Variants in SUPT7L observed in about 807,000 individuals in gnomAD.
The protein encoded by SUPT7L is STAGA complex 65 subunit gamma.
SUPT7L carries 15 observed loss-of-function variants against 35.7 expected under a neutral mutation model. The ratio of observed to expected loss-of-function variants is 0.42; its 90% CI spans 0.28 to 0.65. The LOEUF (loss-of-function observed/expected upper bound fraction) is 0.65. Among genes scored for constraint, SUPT7L ranks in the 30% least tolerant of loss-of-function variants. SUPT7L has a pLI of 0.23. For missense variants in SUPT7L, 434 were observed against 522.2 expected (o/e 0.83, Z 1.65); for synonymous variants, 168 against 186.2 (o/e 0.90, Z 0.79).
At chr2:27,642,958 T>TACACACACACACACAC in the SUPT7L span, among the ~76,000 whole-genome samples, 35 of 122,654 alleles carry the variant, frequency 2.9e-4, no homozygotes, top group East Asian at 2.5e-3. Flanking sequence ...TATATATATA[T>TACACACACACACACAC]ACACACACAC....
downstream of SUPT7L, among the ~76,000 whole-genome samples, chr2:27,646,661 A>T (rs1487129921): frequency 6.6e-6 from 1 of 152,082 alleles, no homozygotes; most frequent in Non-Finnish European, 1.5e-5. Flanking sequence ...AATTGACTGT[A>T]CTTAAAAGAA....
At chr2:27,642,954 T>TACACACACACAC in the SUPT7L span, among the ~76,000 whole-genome samples, 469 of 46,776 alleles carry the variant, frequency 0.01, 9 homozygotes, top group East Asian at 0.05. Flanking sequence ...TATATATATA[T>TACACACACACAC]ATATACACAC....
downstream of SUPT7L, among the ~76,000 whole-genome samples, chr2:27,646,242 A>G (rs879480088): frequency 2.7e-5 from 4 of 149,836 alleles, no homozygotes; most frequent in East Asian, 2.0e-4. Flanking sequence ...GGGTTTTGCC[A>G]TGTTGGCCAG....
chr2:27,660,430 G>A (rs1255793592), intron 3 of SUPT7L, among the ~76,000 whole-genome samples: 2 of 151,990 alleles, frequency 1.3e-5, no homozygotes, highest in Non-Finnish European at 2.9e-5. Context: ...CGCCATGTTG[G>A]CCAGGTTGAT....
At chr2:27,646,505 T>G (rs1049220620), downstream of SUPT7L, among the ~76,000 whole-genome samples, 1 of 152,246 alleles carries the variant, frequency 6.6e-6, no homozygotes, top group Admixed American at 6.5e-5. Flanking sequence ...TTAAAAATTT[T>G]TTTTTAGTTT....
In SUPT7L at chr2:27,657,732, C is replaced by G. The variant is rs1022313927; in HGVS notation, c.420-63G>C. ...GCAAAGGGGTGACCCCTCCTGTCTTCCCCAGGAGTTTTACAATTCCAGTCA... is the reference window on the plus strand; with the variant it reads ...GCAAAGGGGTGACCCCTCCTGTCTTGCCCAGGAGTTTTACAATTCCAGTCA... On this transcript the variant is annotated intron_variant, in intron 3 of 5. Coordinates refer to ENST00000337768, the MANE Select transcript of SUPT7L (RefSeq NM_014860.3). The surrounding 1 kb of genome is among the most constrained non-coding windows in gnomAD (Gnocchi z 5.2). The G allele has an allele frequency of 3.0e-5, 43 of 1,456,270 alleles. No individual in the cohort carries two copies. Among genetic ancestry groups the G allele is most frequent in the Admixed American group, 4.5e-5 (2 of 44,072 alleles). 90.2% of individuals were successfully genotyped at this position (1,456,270 alleles called of 1,614,324 possible). A position where few individuals can be genotyped will look rare whatever the true frequency, so the allele number is the denominator to read the frequency against.
chr2:27,657,699 A>G lies in SUPT7L; in HGVS notation c.420-30T>C. 1 of 1,583,030 alleles carries G rather than the reference A, an allele frequency of 6.3e-7. No individual in the cohort carries two copies. Among genetic ancestry groups the G allele is most frequent in the Non-Finnish European group, 8.6e-7 (1 of 1,162,610 alleles). ...AAGTGGAGATACGGTGGTGTTATTA[A>G]TGTTCTTGCAAAGGGGTGACCCCTC... On this transcript the variant is annotated intron_variant, in intron 3 of 5. Transcript: ENST00000337768. The surrounding 1 kb of genome is among the most constrained non-coding windows in gnomAD (Gnocchi z 5.2).
chr2:27,651,287 AC>A lies in SUPT7L; in HGVS notation c.*2197del, dbSNP rs1161852888. On this transcript the variant is annotated 3_prime_UTR_variant, in exon 6 of 6. Transcript: ENST00000337768. Reference sequence around the variant, plus strand: ...GGAATTGTTCAACTTACCTCTTATAACCTATGAACTCAGAAACCCTGGGGGT... The same window carrying A: ...GGAATTGTTCAACTTACCTCTTATAACTATGAACTCAGAAACCCTGGGGGT... 6.6e-6 allele frequency: 1 copy of A among 152,202 alleles called. No homozygotes were observed. The highest frequency in any genetic ancestry group is 1.5e-5 in the Non-Finnish European group (1 of 68,048). 9.4% of individuals were successfully genotyped at this position (152,202 alleles called of 1,614,324 possible).
At chr2:27,645,946 T>C (rs767165908), downstream of SUPT7L, among the ~76,000 whole-genome samples, 4 of 152,094 alleles carry the variant, frequency 2.6e-5, no homozygotes, top group African/African-American at 4.8e-5. Flanking sequence ...CCCAGGCTGG[T>C]CTCGAACTCC....
In SUPT7L at chr2:27,661,084, C is replaced by T. The variant is rs751395014; in HGVS notation, c.319G>A (p.Gly107Arg). ...EESEPLPSCPGSPPLPDDLLP... is the reference protein window; with the variant it reads ...EESEPLPSCPRSPPLPDDLLP... ...AGGTCATCAGGGAGAGGAGGTGACC[C>T]AGGGCACGAGGGAAGAGGTTCACTC... The change falls in exon 3 of 6, where the codon GGG (glycine) becomes AGG (arginine). Residue 107 changes from glycine (G) to arginine (R), a missense_variant. By Grantham distance (125) the Gly-to-Arg change is moderately radical (BLOSUM62 -2). Transcript: ENST00000337768. The T allele has an allele frequency of 2.5e-6, 4 of 1,613,980 alleles. No homozygotes were observed. Among genetic ancestry groups the T allele is most frequent in the African/African-American group, 1.3e-5 (1 of 74,874 alleles).
At chr2:27,644,930 T>C in the SUPT7L span, among the ~76,000 whole-genome samples, 1 of 152,072 alleles carries the variant, frequency 6.6e-6, no homozygotes, top group African/African-American at 2.4e-5. Flanking sequence ...GTTCCATGCA[T>C]ACTTGAGTAT....
chr2:27,650,077 G>T, downstream of SUPT7L: 1 of 1,113,154 alleles, frequency 9.0e-7, no homozygotes, highest in South Asian at 1.2e-5. Context: ...TTTGTCTAAT[G>T]AAAGAGTTGA....
At chr2:27,650,392 T>A (rs982867467), downstream of SUPT7L, 5 of 424,726 alleles carry the variant, frequency 1.2e-5, no homozygotes, top group African/African-American at 1.0e-4. Flanking sequence ...ACCTGGCAGG[T>A]TAATGCTGAT....
At chr2:27,650,598 C>T (rs887624241), downstream of SUPT7L, 1 of 156,144 alleles carries the variant, frequency 6.4e-6, no homozygotes, top group African/African-American at 2.4e-5. Context: ...TCTACTCCCC[C>T]AGCTTCTTGC....
Position 27,657,497 on chromosome 2 carries a change from G to C in SUPT7L, c.592C>G (p.Arg198Gly), listed in dbSNP as rs375571980. 4 of 1,614,226 alleles carry C rather than the reference G, an allele frequency of 2.5e-6. No individual in the cohort carries two copies. Among genetic ancestry groups the C allele is most frequent in the Non-Finnish European group, 3.4e-6 (4 of 1,180,052 alleles). The stretch of plus-strand genomic sequence containing the variant: ...CGGGCCTCCCGGTCCACAGCAAAAC[G>C]CAGCAACTTGGTAAACTTAAGGCAA... Reference protein sequence around the residue: ...EYCLKFTKLLRFAVDREARLG... With the variant: ...EYCLKFTKLLGFAVDREARLG... Residue 198 changes from arginine (R) to glycine (G), a missense_variant, in exon 4 of 6, where the codon CGT becomes GGT. Coordinates refer to ENST00000337768, the MANE Select transcript of SUPT7L (RefSeq NM_014860.3). The surrounding 1 kb of genome is among the most constrained non-coding windows in gnomAD (Gnocchi z 5.2).
chr2:27,658,682 G>C (rs1266226878), intron 3 of SUPT7L, among the ~76,000 whole-genome samples: 1 of 152,204 alleles, frequency 6.6e-6, no homozygotes, highest in African/African-American at 2.4e-5. Context: ...ACTCTGACCT[G>C]TTCAATAGCA....
intron 2 of SUPT7L, chr2:27,661,591 A>G: frequency 2.1e-6 from 3 of 1,417,552 alleles, no homozygotes; most frequent in Non-Finnish European, 2.7e-6. Context: ...GTAGGACCAA[A>G]GGTGTTCTCC....
rs188551129 is a variant in SUPT7L at position 27,655,540 on chromosome 2, G to C, written c.807C>G (p.Asp269Glu). 1.7e-5 allele frequency: 27 copies of C among 1,613,938 alleles called. No homozygotes were observed. In the Admixed American group the frequency reaches 4.2e-4, roughly 25 times the overall value. ...CCTCCTTGATCTTCACAGGTTTAGCGTCCTCTGTGGCCTTCTCAGGATTGA... is the reference window on the plus strand; with the variant it reads ...CCTCCTTGATCTTCACAGGTTTAGCCTCCTCTGTGGCCTTCTCAGGATTGA... ...RIVNPEKATEDAKPVKIKEEP... is the reference protein window; with the variant it reads ...RIVNPEKATEEAKPVKIKEEP... The change falls in exon 5 of 6, where the codon GAC becomes GAG. Residue 269 changes from aspartate to glutamate, a missense_variant. Coordinates refer to ENST00000337768, the MANE Select transcript of SUPT7L (RefSeq NM_014860.3).
chr2:27,647,858 C>T, downstream of SUPT7L: 1 of 1,612,234 alleles, frequency 6.2e-7, no homozygotes, highest in South Asian at 1.1e-5. Context: ...CTGTGCTGCA[C>T]CCTTCTGATT....
Sources: gnomAD v4.1 joint callset for allele counts (sites outside exome capture counted in the v4.1 genomes callset) on GRCh38, gnomAD v4.1.1 for gene constraint, Gnocchi (gnomAD v3.1) non-coding constraint, MANE v1.5 for transcripts, NCBI Gene and HGNC (gene_info 2026-07-23, HGNC 2026-07-21) for gene names.